The following PLCB1 variants were observed in gnomAD, a reference collection of about 807,000 sequenced individuals.
The protein encoded by PLCB1 is 1-phosphatidylinositol 4,5-bisphosphate phosphodiesterase beta-1.
In PLCB1, 46 loss-of-function variants were observed where a neutral mutation model predicts 161.8. The observed-to-expected ratio is 0.28, with a 90% CI of 0.22 to 0.36. The LOEUF (loss-of-function observed/expected upper bound fraction) is 0.36. Among genes scored for constraint, PLCB1 ranks in the 10% least tolerant of loss-of-function variants. The pLI is 1.00. For missense variants in PLCB1, 1,016 were observed against 1,472.5 expected (o/e 0.69, Z 5.07); for synonymous variants, 517 against 503.7 (o/e 1.03, Z -0.35).
rs936615807 is a variant in PLCB1, at chr20:8,820,428, GTTATA to G, written c.3423+30172_3423+30176del. ...AAGAAATGCACATTGAAACCACAGTGTTATATTATTTTATGCCTTCAGACAGGCAA... is the reference window on the plus strand; with the variant it reads ...AAGAAATGCACATTGAAACCACAGTGTTATTTTATGCCTTCAGACAGGCAA... On this transcript the variant is annotated intron_variant, in intron 31 of 31. Transcript: ENST00000338037. Among the ~76,000 whole-genome samples, 20 of 152,026 alleles carry G rather than the reference GTTATA, an allele frequency of 1.3e-4. 1 individual carries two copies. Among genetic ancestry groups the G allele is most frequent in the Admixed American group, 9.8e-4 (15 of 15,262 alleles).
At chr20:8,167,671 C>G (rs987325669) in intron 2 of PLCB1, among the ~76,000 whole-genome samples, 1 of 152,144 alleles carries the variant, frequency 6.6e-6, no homozygotes, top group African/African-American at 2.4e-5. Context: ...AGTATTTTAT[C>G]ATTTCTTTTT....
intron 12 of PLCB1, among the ~76,000 whole-genome samples, chr20:8,712,012 G>A (rs1387333314): frequency 1.3e-5 from 2 of 152,102 alleles, no homozygotes; most frequent in African/African-American, 4.8e-5. Context: ...CTAGAAAAAA[G>A]GAGAAAAGGA....
chr20:8,846,364 G>A (rs1229251767), intron 31 of PLCB1, among the ~76,000 whole-genome samples: 1 of 152,006 alleles, frequency 6.6e-6, no homozygotes, highest in Non-Finnish European at 1.5e-5. Context: ...TTTGAGGGAG[G>A]ACACAAATCC....
intron 2 of PLCB1, among the ~76,000 whole-genome samples, chr20:8,311,084 T>C (rs1366471614): frequency 6.6e-6 from 1 of 152,210 alleles, no homozygotes; most frequent in Non-Finnish European, 1.5e-5. Flanking sequence ...TTTTTGGCTT[T>C]TTAAGAATAA....
intron 31 of PLCB1, among the ~76,000 whole-genome samples, chr20:8,864,659 G>GT (rs1987365676): frequency 6.6e-6 from 1 of 152,198 alleles, no homozygotes; most frequent in Non-Finnish European, 1.5e-5. Flanking sequence ...AGTATTCCAA[G>GT]TATTGCAGTA....
intron 3 of PLCB1, among the ~76,000 whole-genome samples, chr20:8,606,932 T>C (rs113374256): frequency 4.3e-4 from 66 of 152,322 alleles, no homozygotes; most frequent in Admixed American, 1.1e-3. Flanking sequence ...GAATGAATTG[T>C]TGGGGAGCAT....
intron 11 of PLCB1, among the ~76,000 whole-genome samples, chr20:8,698,328 T>C (rs914079695): frequency 6.6e-6 from 1 of 152,208 alleles, no homozygotes; most frequent in African/African-American, 2.4e-5. Context: ...CCCTAAATGA[T>C]GTAGCTTCAC....
chr20:8,282,969 C>T (rs916677729), intron 2 of PLCB1, among the ~76,000 whole-genome samples: 8 of 152,108 alleles, frequency 5.3e-5, no homozygotes, highest in Middle Eastern at 3.4e-3. Context: ...TGACGTGGTT[C>T]TCCGTGGTGT....
intron 3 of PLCB1, among the ~76,000 whole-genome samples, chr20:8,621,103 GCGTCATTATGATAGC>G (rs1988171889): frequency 6.6e-6 from 1 of 152,140 alleles, no homozygotes; most frequent in Non-Finnish European, 1.5e-5. Context: ...TAACAAACAG[GCGTCATTATGATAGC>G]TAGAAGCATT....
At chr20:8,147,399 C>T (rs1399890121) in intron 1 of PLCB1, among the ~76,000 whole-genome samples, 2 of 152,092 alleles carry the variant, frequency 1.3e-5, no homozygotes, top group African/African-American at 2.4e-5. Flanking sequence ...GTCAAAGGTC[C>T]CAAGAGTCGC....
rs564496429 is a variant in PLCB1 at position 8,733,462 on chromosome 20, G to A, written c.2043+70G>A. 3.1e-4 allele frequency: 413 copies of A among 1,317,298 alleles called. 6 individuals carry two copies. In the South Asian group the frequency reaches 4.5e-3, roughly 14 times the overall value. The allele number at this position is 1,317,298 out of a possible 1,614,324, so 81.6% of individuals were successfully genotyped here. ...ATTTATCTACATTGCATAAAGAAGT[G>A]GCTTAGTCATTAAAAATTTAGTAAC... On this transcript the variant is annotated intron_variant, in intron 19 of 31. Coordinates refer to ENST00000338037, the MANE Select transcript of PLCB1 (RefSeq NM_015192.4).
At chr20:8,414,560 G>A (rs1309094844) in intron 3 of PLCB1, among the ~76,000 whole-genome samples, 1 of 152,182 alleles carries the variant, frequency 6.6e-6, no homozygotes, top group East Asian at 1.9e-4. Context: ...TGGGGAATGT[G>A]AGAAATAGAA....
chr20:8,841,929 T>A (rs1986518616), intron 31 of PLCB1, among the ~76,000 whole-genome samples: 1 of 152,232 alleles, frequency 6.6e-6, no homozygotes, highest in Admixed American at 6.5e-5. Context: ...CCTAGTTATG[T>A]GATGTGTTCT....
At chr20:8,270,486 A>G (rs1474017822) in intron 2 of PLCB1, among the ~76,000 whole-genome samples, 1 of 152,160 alleles carries the variant, frequency 6.6e-6, no homozygotes, top group East Asian at 1.9e-4. Flanking sequence ...AAGACTGTTG[A>G]TACTGGACAA....
chr20:8,527,231 T>C (rs1419832682), intron 3 of PLCB1, among the ~76,000 whole-genome samples: 2 of 152,130 alleles, frequency 1.3e-5, no homozygotes, highest in Non-Finnish European at 1.5e-5. Flanking sequence ...AAATTATGGA[T>C]ATAAATTCCT....
At chr20:8,494,699 A>T (rs1022129626) in intron 3 of PLCB1, among the ~76,000 whole-genome samples, 4 of 152,138 alleles carry the variant, frequency 2.6e-5, no homozygotes, top group Non-Finnish European at 5.9e-5. Context: ...AAAGTTTCAT[A>T]ATGCTCCCTC....
intron 3 of PLCB1, among the ~76,000 whole-genome samples, chr20:8,595,154 G>A (rs949953681): frequency 2.0e-5 from 3 of 151,114 alleles, no homozygotes; most frequent in Admixed American, 6.6e-5. Flanking sequence ...CATTGTGCAG[G>A]TTAGTTACAT....
rs574679144 is a variant in PLCB1 at position 8,320,237 on chromosome 20, A to G, written c.178-51145A>G. Among the ~76,000 whole-genome samples, 3 of 152,332 alleles carry G rather than the reference A, an allele frequency of 2.0e-5. No individual in the cohort carries two copies. The East Asian group carries it at 5.8e-4, about 29-fold the overall frequency. On this transcript the variant is annotated intron_variant, in intron 2 of 31. Transcript: ENST00000338037. ...TCACACTGTAATCTTTCAGAGTAAC[A>G]CAGACTCATATACATATGAAATTGA... is the stretch of plus-strand genomic sequence containing the variant.
intron 31 of PLCB1, among the ~76,000 whole-genome samples, chr20:8,868,996 T>C (rs1987522192): frequency 6.6e-6 from 1 of 152,184 alleles, no homozygotes; most frequent in Non-Finnish European, 1.5e-5. Flanking sequence ...TGGTAGGCTT[T>C]AGTCTCCTCA....
Sources: gnomAD v4.1 joint callset for allele counts (sites outside exome capture counted in the v4.1 genomes callset) on GRCh38, gnomAD v4.1.1 for gene constraint, MANE v1.5 for transcripts, NCBI Gene and HGNC (gene_info 2026-07-23, HGNC 2026-07-21) for gene names.